SEC22C: variants seen among roughly 807,000 people sequenced by gnomAD.
The protein encoded by SEC22C is SEC22 homolog C, vesicle trafficking protein, also known as vesicle-trafficking protein SEC22c.
Under a neutral mutation model 34.7 loss-of-function variants are expected in SEC22C, and 29 were observed. The observed-to-expected ratio is 0.84, with a 90% CI of 0.62 to 1.14. SEC22C has a LOEUF of 1.14. Among genes scored for constraint, SEC22C ranks in the 50% most tolerant of loss-of-function variants. The pLI, the probability that SEC22C is intolerant of heterozygous loss-of-function variation, is 0.00. For missense variants in SEC22C, 337 were observed against 369.0 expected (o/e 0.91, Z 0.71); for synonymous variants, 117 against 132.8 (o/e 0.88, Z 0.82).
chr3:42,563,953 G>C (rs1252597695), intron 2 of SEC22C: 1 of 1,348,336 alleles, frequency 7.4e-7, no homozygotes, highest in South Asian at 1.2e-5. Flanking sequence ...TATTCTATTG[G>C]GGGAATTAGC....
intron 4 of SEC22C, among the ~76,000 whole-genome samples, chr3:42,560,163 ATATATATTT>A (rs1221040471): frequency 4.8e-5 from 7 of 145,386 alleles, no homozygotes; most frequent in African/African-American, 1.8e-4. Context: ...TATATATATT[ATATATATTT>A]TATATATAAT....
intron 1 of SEC22C, chr3:42,579,555 T>A (rs894414174): frequency 1.4e-5 from 2 of 147,616 alleles, no homozygotes; most frequent in Admixed American, 1.4e-4. Flanking sequence ...GAGCTGCGAC[T>A]GCATCACCGC....
rs1446829323 is a variant in SEC22C, at chr3:42,564,599, GAAC to G, written c.183-916_183-914del. 3.3e-5 allele frequency among the ~76,000 whole-genome samples: 5 copies of G among 152,290 alleles called. No individual in the cohort carries two copies. The East Asian group carries it at 9.6e-4, about 29-fold the overall frequency. The stretch of plus-strand genomic sequence containing the variant: ...AACTTCAACCTTTTACGAGGCGCAA[GAAC>G]AACATTTCAATTTCTTAGGTGAAAT... On this transcript the variant is annotated intron_variant, in intron 2 of 6. Coordinates refer to ENST00000264454, the MANE Select transcript of SEC22C (RefSeq NM_032970.4).
chr3:42,599,059 A>G (rs990853021), intron 1 of SEC22C, among the ~76,000 whole-genome samples: 2 of 150,222 alleles, frequency 1.3e-5, no homozygotes, highest in African/African-American at 4.9e-5. Context: ...TCTGCCTCCC[A>G]GGTTCACGCC....
intron 1 of SEC22C, chr3:42,590,912 C>T (rs1704801660): frequency 6.4e-7 from 1 of 1,569,392 alleles, no homozygotes; most frequent in South Asian, 1.1e-5. Flanking sequence ...CGGTGGCCTT[C>T]GTACCGGACT....
chr3:42,552,438 T>C lies in SEC22C; in HGVS notation c.*810A>G. The C allele has an allele frequency of 1.0e-6, 1 of 985,392 alleles. No homozygotes were observed. Among genetic ancestry groups the C allele is most frequent in the Non-Finnish European group, 1.2e-6 (1 of 829,888 alleles). The allele number at this position is 985,392 out of a possible 1,614,324, so 61.0% of individuals were successfully genotyped here. A position where few individuals can be genotyped will look rare whatever the true frequency, so the allele number is the denominator to read the frequency against. Reference sequence around the variant, plus strand: ...TCACCTACTCCAGGTTGTGGTCAATTGTAAGTAATCCTGAAATTCTCATTT... The same window carrying C: ...TCACCTACTCCAGGTTGTGGTCAATCGTAAGTAATCCTGAAATTCTCATTT... On this transcript the variant is annotated 3_prime_UTR_variant, in exon 7 of 7. Coordinates refer to ENST00000264454, the MANE Select transcript of SEC22C (RefSeq NM_032970.4).
chr3:42,595,224 A>G (rs1320484705), intron 1 of SEC22C: 3 of 152,234 alleles, frequency 2.0e-5, no homozygotes, highest in East Asian at 1.9e-4. Flanking sequence ...CAGAATCCAA[A>G]TAAGATTCAC....
intron 1 of SEC22C, among the ~76,000 whole-genome samples, chr3:42,571,967 A>C (rs1357421762): frequency 6.6e-6 from 1 of 152,128 alleles, no homozygotes; most frequent in Non-Finnish European, 1.5e-5. Context: ...CGGGAGGGAG[A>C]GGTTACAGTG....
Position 42,557,947 on chromosome 3 carries a change from T to C in SEC22C, c.527-251A>G, listed in dbSNP as rs536745151. On this transcript the variant is annotated intron_variant, in intron 4 of 6. Transcript: ENST00000264454. ...CTCTTTTCCAGGCAAGCACAGGTTT[T>C]TCAAGTGCTTAATTTCCTTTCTATC... is the stretch of plus-strand genomic sequence containing the variant. 6.6e-5 allele frequency among the ~76,000 whole-genome samples: 10 copies of C among 152,340 alleles called. No homozygotes were observed. The East Asian group carries it at 1.9e-3, about 29-fold the overall frequency.
intron 3 of SEC22C, 36 bp from the exon 4 acceptor site, chr3:42,561,332 A>C (rs968881879): frequency 6.3e-7 from 1 of 1,588,788 alleles, no homozygotes; most frequent in East Asian, 2.2e-5. Flanking sequence ...AAGCATTTTC[A>C]TCAGAATGGA....
At chr3:42,586,016 G>A (rs1704599778), upstream of SEC22C, among the ~76,000 whole-genome samples, 1 of 151,910 alleles carries the variant, frequency 6.6e-6, no homozygotes, top group Non-Finnish European at 1.5e-5. Context: ...ATGTCCCTTA[G>A]CTCCAGACAA....
At position 42,548,627 on chromosome 3, in the gene SEC22C, G is replaced by T. The variant is rs142788455; in HGVS notation, c.*4621C>A. ...CAGGGGTGGCTGGCTCACGAGGTTT[G>T]GTCCAACCAGCAGAACCAGCTCCTT... On this transcript the variant is annotated 3_prime_UTR_variant, in exon 7 of 7. Coordinates refer to ENST00000264454, the MANE Select transcript of SEC22C (RefSeq NM_032970.4). 101 of 1,613,814 alleles carry T rather than the reference G, an allele frequency of 6.3e-5. No individual in the cohort carries two copies. The African/African-American group carries it at 9.9e-4, about 16-fold the overall frequency.
Position 42,548,955 on chromosome 3 carries a change from G to C in SEC22C, c.*4293C>G, listed in dbSNP as rs543909795. 2.5e-5 allele frequency: 29 copies of C among 1,166,174 alleles called. No homozygotes were observed. The highest frequency in any genetic ancestry group is 3.1e-5 in the African/African-American group (2 of 64,610). 72.2% of individuals were successfully genotyped at this position (1,166,174 alleles called of 1,614,324 possible). ...TTGACCCTCATAACAGCACCCTGGC[G>C]GGGGGGCAGATTGATGTTATCACCA... On this transcript the variant is annotated 3_prime_UTR_variant, in exon 7 of 7. Coordinates refer to ENST00000264454, the MANE Select transcript of SEC22C (RefSeq NM_032970.4).
At chr3:42,599,164 A>C (rs184784637) in intron 1 of SEC22C, among the ~76,000 whole-genome samples, 2 of 150,624 alleles carry the variant, frequency 1.3e-5, no homozygotes, top group East Asian at 4.0e-4. Flanking sequence ...AAAGGGTTTC[A>C]CCGTGTTAGC....
chr3:42,591,500 A>C, intron 1 of SEC22C: 1 of 1,591,178 alleles, frequency 6.3e-7, no homozygotes, highest in Non-Finnish European at 8.6e-7. Context: ...GCCTGCACTG[A>C]CCCTTTCTTT....
Position 42,552,278 on chromosome 3 carries a change from G to A in SEC22C, c.*970C>T, listed in dbSNP as rs1702291785. 3 of 985,386 alleles carry A rather than the reference G, an allele frequency of 3.0e-6. No homozygotes were observed. The highest frequency in any genetic ancestry group is 3.6e-6 in the Non-Finnish European group (3 of 829,932). 61.0% of individuals were successfully genotyped at this position (985,386 alleles called of 1,614,324 possible). A position where few individuals can be genotyped will look rare whatever the true frequency, so the allele number is the denominator to read the frequency against. On this transcript the variant is annotated 3_prime_UTR_variant, in exon 7 of 7. Coordinates refer to ENST00000264454, the MANE Select transcript of SEC22C (RefSeq NM_032970.4). The stretch of plus-strand genomic sequence containing the variant: ...GTGCAGAGGAGTAATTAATTTTGGA[G>A]GCGCTCTGGGAACAGGTACACAGGG...
chr3:42,551,412 G>A lies in SEC22C; in HGVS notation c.*1836C>T. Reference sequence around the variant, plus strand: ...GCTGGGGTGCAGTGGTGTGATTATAGCTCATGGAAGCCTCAAACTCCTGGA... The same window carrying A: ...GCTGGGGTGCAGTGGTGTGATTATAACTCATGGAAGCCTCAAACTCCTGGA... On this transcript the variant is annotated 3_prime_UTR_variant, in exon 7 of 7. Coordinates refer to ENST00000264454, the MANE Select transcript of SEC22C (RefSeq NM_032970.4). 1 of 870,952 alleles carries A rather than the reference G, an allele frequency of 1.1e-6. No homozygotes were observed. The highest frequency in any genetic ancestry group is 1.4e-6 in the Non-Finnish European group (1 of 725,822). The allele number at this position is 870,952 out of a possible 1,614,324, so 54.0% of individuals were successfully genotyped here.
At chr3:42,578,673 C>T (rs1704124268) in intron 1 of SEC22C, among the ~76,000 whole-genome samples, 1 of 152,030 alleles carries the variant, frequency 6.6e-6, no homozygotes, top group Admixed American at 6.6e-5. Flanking sequence ...CTTCTCTGTA[C>T]TATATTTGCA....
chr3:42,564,929 C>T (rs1260159326), intron 2 of SEC22C, among the ~76,000 whole-genome samples: 3 of 152,038 alleles, frequency 2.0e-5, no homozygotes, highest in South Asian at 2.1e-4. Context: ...GGCTAATTTT[C>T]GTGTTTTTGT....
Sources: gnomAD v4.1 joint callset for allele counts (sites outside exome capture counted in the v4.1 genomes callset) on GRCh38, gnomAD v4.1.1 for gene constraint, MANE v1.5 for transcripts, NCBI Gene and HGNC (gene_info 2026-07-23, HGNC 2026-07-21) for gene names.